The following SLC8A1 variants were observed in gnomAD, a reference collection of about 807,000 sequenced individuals.
The protein encoded by SLC8A1 is sodium/calcium exchanger 1.
SLC8A1 carries 18 observed loss-of-function variants against 68.3 expected under a neutral mutation model. That is an observed-to-expected ratio of 0.26 (90% CI 0.18 to 0.39). The LOEUF is 0.39. Among genes scored for constraint, SLC8A1 ranks in the 10% least tolerant of loss-of-function variants. The pLI is 1.00. For missense variants in SLC8A1, 985 were observed against 1,156.7 expected (o/e 0.85, Z 2.15); for synonymous variants, 475 against 415.5 (o/e 1.14, Z -1.74).
In SLC8A1 at chr2:40,428,754, T is replaced by G. The variant is rs772599914; in HGVS notation, c.1527A>C (p.Ile509=). The change falls in exon 2 of 8, where the codon ATA becomes ATC. Residue 509 remains isoleucine (I), a synonymous_variant. Transcript: ENST00000406785. The stretch of plus-strand genomic sequence containing the variant: ...GTGTAGAAACATGATTGGCTTCCAG[T>G]ATGCCATCTTCTGAAGCTTCAGAAG... The G allele has an allele frequency of 2.5e-6, 4 of 1,613,814 alleles. No individual in the cohort carries two copies. The South Asian group carries it at 4.4e-5, about 18-fold the overall frequency.
At chr2:40,435,547 G>A (rs891850496) in intron 1 of SLC8A1, among the ~76,000 whole-genome samples, 22 of 152,100 alleles carry the variant, frequency 1.4e-4, no homozygotes, top group Admixed American at 1.3e-3. Context: ...CACATCATAG[G>A]CTCAAGCCTT....
At chr2:40,278,877 A>G (rs984390448) in intron 2 of SLC8A1, among the ~76,000 whole-genome samples, 1 of 152,158 alleles carries the variant, frequency 6.6e-6, no homozygotes, top group African/African-American at 2.4e-5. Flanking sequence ...TTTTTAAATT[A>G]TTATTTGGTA....
At chr2:40,179,145 G>A (rs550174385) in intron 2 of SLC8A1, among the ~76,000 whole-genome samples, 1 of 152,292 alleles carries the variant, frequency 6.6e-6, no homozygotes, top group African/African-American at 2.4e-5. Flanking sequence ...AGTTGTTCAC[G>A]TTTTGTTTGT....
At chr2:40,201,968 A>G (rs1383120552) in intron 2 of SLC8A1, among the ~76,000 whole-genome samples, 2 of 151,992 alleles carry the variant, frequency 1.3e-5, no homozygotes, top group Non-Finnish European at 2.9e-5. Flanking sequence ...TGAACATTTG[A>G]ACATTAGATA....
upstream of SLC8A1, among the ~76,000 whole-genome samples, chr2:40,454,453 C>T (rs1211212851): frequency 2.0e-5 from 3 of 150,238 alleles, no homozygotes; most frequent in Non-Finnish European, 4.4e-5. Context: ...GTTTATACTC[C>T]AGTGATGCCC....
intron 2 of SLC8A1, among the ~76,000 whole-genome samples, chr2:40,309,923 C>T (rs1366559212): frequency 6.6e-6 from 1 of 152,070 alleles, no homozygotes; most frequent in African/African-American, 2.4e-5. Context: ...TCTCTAATTC[C>T]AGAACATTGT....
intron 2 of SLC8A1, among the ~76,000 whole-genome samples, chr2:40,203,054 A>G (rs2054701673): frequency 6.6e-6 from 1 of 151,942 alleles, no homozygotes; most frequent in Non-Finnish European, 1.5e-5. Flanking sequence ...ACAACATGGG[A>G]TTGTTGTTTT....
At chr2:40,501,190 A>G (rs1706040325) in intron 1 of SLC8A1, among the ~76,000 whole-genome samples, 1 of 152,004 alleles carries the variant, frequency 6.6e-6, no homozygotes, top group Middle Eastern at 3.4e-3. Context: ...TGATCACCTT[A>G]TCTAAAACTG....
chr2:40,168,517 A>G (rs984875203), intron 4 of SLC8A1, among the ~76,000 whole-genome samples: 4 of 152,216 alleles, frequency 2.6e-5, no homozygotes, highest in African/African-American at 9.6e-5. Flanking sequence ...CTACAGTTAT[A>G]CTGATAAATT....
At chr2:40,144,935 T>C (rs1188407933) in intron 6 of SLC8A1, among the ~76,000 whole-genome samples, 2 of 152,182 alleles carry the variant, frequency 1.3e-5, no homozygotes, top group East Asian at 3.8e-4. Flanking sequence ...CAAGAGCAGT[T>C]GAAGTCTACT....
At chr2:40,339,236 G>A (rs1444145092) in intron 2 of SLC8A1, among the ~76,000 whole-genome samples, 2 of 152,176 alleles carry the variant, frequency 1.3e-5, no homozygotes, top group Non-Finnish European at 2.9e-5. Context: ...CCACTGTCTT[G>A]CAGCCTGCAT....
intron 1 of SLC8A1, among the ~76,000 whole-genome samples, chr2:40,462,486 T>TC (rs1340790452): frequency 6.6e-6 from 1 of 151,876 alleles, no homozygotes; most frequent in African/African-American, 2.4e-5. Flanking sequence ...TTTTTTTTTT[T>TC]CTTTGAGAGG....
chr2:40,262,938 G>A (rs757410188), intron 2 of SLC8A1, among the ~76,000 whole-genome samples: 2 of 152,200 alleles, frequency 1.3e-5, no homozygotes, highest in Non-Finnish European at 2.9e-5. Flanking sequence ...CCAAGAATCA[G>A]TACAGTAACA....
At chr2:40,289,325 T>C (rs971641514) in intron 2 of SLC8A1, among the ~76,000 whole-genome samples, 10 of 152,138 alleles carry the variant, frequency 6.6e-5, no homozygotes, top group African/African-American at 2.4e-4. Flanking sequence ...TAGTTTATAG[T>C]ACAATGCAAA....
At chr2:40,502,902 T>G (rs1706135150) in intron 1 of SLC8A1, among the ~76,000 whole-genome samples, 1 of 152,024 alleles carries the variant, frequency 6.6e-6, no homozygotes, top group Non-Finnish European at 1.5e-5. Flanking sequence ...CTCTTCAATC[T>G]TATTCCTGAC....
intron 2 of SLC8A1, among the ~76,000 whole-genome samples, chr2:40,279,586 A>G (rs1028135833): frequency 3.3e-5 from 5 of 152,234 alleles, no homozygotes; most frequent in Admixed American, 3.3e-4. Flanking sequence ...TTCATTGCAC[A>G]GGGACATAAT....
chr2:40,264,756 G>A (rs1001961502), intron 2 of SLC8A1, among the ~76,000 whole-genome samples: 7 of 152,084 alleles, frequency 4.6e-5, no homozygotes, highest in Admixed American at 2.0e-4. Context: ...GTTAAATGAC[G>A]AGTTAATGGG....
At chr2:40,159,262 C>A (rs1238024669) in intron 6 of SLC8A1, among the ~76,000 whole-genome samples, 2 of 152,306 alleles carry the variant, frequency 1.3e-5, no homozygotes, top group East Asian at 3.9e-4. Flanking sequence ...CTCCATTAGA[C>A]TGTAAGCTCC....
chr2:40,173,528 G>A (rs1474899479), intron 4 of SLC8A1, among the ~76,000 whole-genome samples: 1 of 152,170 alleles, frequency 6.6e-6, no homozygotes. Flanking sequence ...CAGCCCATGT[G>A]AAACGGCCCA....
Sources: gnomAD v4.1 joint callset for allele counts (sites outside exome capture counted in the v4.1 genomes callset) on GRCh38, gnomAD v4.1.1 for gene constraint, MANE v1.5 for transcripts, NCBI Gene and HGNC (gene_info 2026-07-23, HGNC 2026-07-21) for gene names.